The following TRPM6 variants were observed in gnomAD, a reference collection of about 807,000 sequenced individuals.
The protein encoded by TRPM6 is channel kinase 2.
In TRPM6, 111 loss-of-function variants were observed where a neutral mutation model predicts 247.6. That is an observed-to-expected ratio of 0.45 (90% CI 0.38 to 0.52). The LOEUF (loss-of-function observed/expected upper bound fraction) is 0.52, where lower values mean the gene tolerates loss of function less well. Among genes scored for constraint, TRPM6 ranks in the 20% least tolerant of loss-of-function variants. The probability of loss-of-function intolerance (pLI) is 0.00; values close to 1 mark genes in which losing one functional copy is unlikely to be tolerated. For synonymous variants in TRPM6, 892 were observed against 853.8 expected, an observed-to-expected ratio of 1.04 and a Z score of -0.78; for missense variants, 2,126 against 2,421.5, an observed-to-expected ratio of 0.88 and a Z score of 2.56.
At chr9:74,755,102 A>G (rs1826389234) in intron 28 of TRPM6, among the ~76,000 whole-genome samples, 1 of 152,242 alleles carries the variant, frequency 6.6e-6, no homozygotes, top group Admixed American at 6.5e-5. Flanking sequence ...AGTCAGGTTC[A>G]ACAGCTTTGA....
chr9:74,778,629 C>T (rs1053386976), intron 23 of TRPM6, among the ~76,000 whole-genome samples: 1 of 152,188 alleles, frequency 6.6e-6, no homozygotes, highest in African/African-American at 2.4e-5. Context: ...TCTGCAGGTA[C>T]CAGGAGCCCA....
chr9:74,830,845 C>T (rs1829522442), intron 6 of TRPM6, among the ~76,000 whole-genome samples: 1 of 146,958 alleles, frequency 6.8e-6, no homozygotes. Flanking sequence ...AATCCGCCGG[C>T]CTCGGCCTCG....
intron 1 of TRPM6, among the ~76,000 whole-genome samples, chr9:74,862,752 C>T (rs182139822): frequency 9.2e-5 from 14 of 152,214 alleles, no homozygotes; most frequent in Admixed American, 3.3e-4. Context: ...GAGGCCAAGG[C>T]GAGCAAGTCA....
intron 1 of TRPM6, among the ~76,000 whole-genome samples, chr9:74,868,025 A>G (rs948817277): frequency 1.3e-5 from 2 of 151,574 alleles, no homozygotes; most frequent in African/African-American, 2.4e-5. Context: ...ATGGTGGCAC[A>G]GGCCTGTAAT....
At chr9:74,801,817 T>C in intron 16 of TRPM6, 81 bp downstream of exon 16, 1 of 1,552,016 alleles carries the variant, frequency 6.4e-7, no homozygotes, top group Non-Finnish European at 8.8e-7. Context: ...GTCCTACAAG[T>C]TTAAAGATGA....
intron 6 of TRPM6, 77 bp from the exon 7 acceptor site, chr9:74,828,026 T>G (rs1829405395): frequency 1.4e-6 from 2 of 1,458,638 alleles, no homozygotes; most frequent in African/African-American, 1.4e-5. Flanking sequence ...AGGCCTATCT[T>G]TATGTGCTAA....
At position 74,842,434 on chromosome 9, in the gene TRPM6, T is replaced by C. The variant is rs1408483839; in HGVS notation, c.153-91A>G. 2.3e-6 allele frequency: 3 copies of C among 1,299,902 alleles called. No individual in the cohort carries two copies. The Admixed American group carries it at 5.5e-5, about 24-fold the overall frequency. 80.5% of individuals were successfully genotyped at this position (1,299,902 alleles called of 1,614,324 possible). ...TTTCTAAAGTAATGTATAGATGCCA[T>C]ATACTATTTCTTAAAACTTCACATT... On this transcript the variant is annotated intron_variant, in intron 3 of 38. Coordinates refer to ENST00000360774, the MANE Select transcript of TRPM6 (RefSeq NM_017662.5).
intron 14 of TRPM6, among the ~76,000 whole-genome samples, chr9:74,806,937 T>C (rs965753891): frequency 6.6e-6 from 1 of 152,192 alleles, no homozygotes; most frequent in African/African-American, 2.4e-5. Flanking sequence ...CTAAGGGAAC[T>C]TCCCTAGCAA....
chr9:74,829,090 C>T (rs918681702), intron 6 of TRPM6, among the ~76,000 whole-genome samples: 1 of 151,992 alleles, frequency 6.6e-6, no homozygotes, highest in African/African-American at 2.4e-5. Flanking sequence ...GTTAGGAGTT[C>T]GAGACCAGCC....
At chr9:74,776,658 G>T (rs943093689) in intron 23 of TRPM6, among the ~76,000 whole-genome samples, 1 of 152,164 alleles carries the variant, frequency 6.6e-6, no homozygotes, top group Non-Finnish European at 1.5e-5. Context: ...CTTTGTAGTT[G>T]TAACATGGAG....
intron 12 of TRPM6, 43 bp from the exon 13 acceptor site, chr9:74,810,911 C>T (rs1208254444): frequency 6.5e-7 from 1 of 1,538,768 alleles, no homozygotes; most frequent in South Asian, 1.1e-5. Flanking sequence ...CTTTAATTAC[C>T]ATGTGCTGGG....
intron 7 of TRPM6, among the ~76,000 whole-genome samples, chr9:74,825,668 G>A (rs1168870053): frequency 6.6e-6 from 1 of 152,062 alleles, no homozygotes; most frequent in African/African-American, 2.4e-5. Context: ...GCTCAGGGTT[G>A]TTGCATTCTT....
At chr9:74,773,819 G>T (rs1226194583) in intron 24 of TRPM6, among the ~76,000 whole-genome samples, 2 of 152,138 alleles carry the variant, frequency 1.3e-5, no homozygotes, top group African/African-American at 4.8e-5. Flanking sequence ...GCTGTAAAAT[G>T]TATTCACAAC....
At chr9:74,854,967 C>A (rs1248094036) in intron 3 of TRPM6, among the ~76,000 whole-genome samples, 1 of 152,208 alleles carries the variant, frequency 6.6e-6, no homozygotes, top group African/African-American at 2.4e-5. Flanking sequence ...GTGTGAGTGA[C>A]TGTGCCTAGT....
In TRPM6 at chr9:74,855,671, G is replaced by C. The variant is rs985703237; in HGVS notation, c.114-106C>G. 3 of 827,768 alleles carry C rather than the reference G, an allele frequency of 3.6e-6. No individual in the cohort carries two copies. In the Admixed American group the frequency reaches 5.4e-5, roughly 15 times the overall value. The allele number at this position is 827,768 out of a possible 1,614,324, so 51.3% of individuals were successfully genotyped here. Reference sequence around the variant, plus strand: ...TATTTTCCATGATCTAGAAATCAAGGTTTGCTGAAATTCATATATCATGTT... The same window carrying C: ...TATTTTCCATGATCTAGAAATCAAGCTTTGCTGAAATTCATATATCATGTT... On this transcript the variant is annotated intron_variant, in intron 2 of 38. Transcript: ENST00000360774.
chr9:74,775,572 T>C (rs1296443791), intron 24 of TRPM6, among the ~76,000 whole-genome samples: 1 of 152,204 alleles, frequency 6.6e-6, no homozygotes, highest in African/African-American at 2.4e-5. Context: ...CTAGGAGTTA[T>C]TCTGATGAGT....
chr9:74,755,399 C>A lies in TRPM6; in HGVS notation c.4860G>T (p.Glu1620Asp), dbSNP rs1826400441. 2 of 1,614,156 alleles carry A rather than the reference C, an allele frequency of 1.2e-6. No homozygotes were observed. Among genetic ancestry groups the A allele is most frequent in the South Asian group, 1.1e-5 (1 of 91,084 alleles). Residue 1620 changes from glutamate to aspartate, a missense_variant, in exon 28 of 39, where the codon GAG becomes GAT. Glu to Asp is a conservative substitution (Grantham distance 45). Coordinates refer to ENST00000360774, the MANE Select transcript of TRPM6 (RefSeq NM_017662.5). ...PEPGENSISE[E>D]EYSKNWFTVS... Reference sequence around the variant, plus strand: ...CTGTGAACCAGTTCTTGCTGTACTCCTCTTCAGAGATGCTGTTTTCTCCTG... The same window carrying A: ...CTGTGAACCAGTTCTTGCTGTACTCATCTTCAGAGATGCTGTTTTCTCCTG...
intron 1 of TRPM6, among the ~76,000 whole-genome samples, chr9:74,860,176 T>G (rs1830653158): frequency 6.6e-6 from 1 of 152,182 alleles, no homozygotes; most frequent in Non-Finnish European, 1.5e-5. Flanking sequence ...CAAGGAAAAC[T>G]TCCCAGATCA....
At chr9:74,855,801 A>G (rs1830505270) in intron 2 of TRPM6, among the ~76,000 whole-genome samples, 1 of 152,162 alleles carries the variant, frequency 6.6e-6, no homozygotes, top group Non-Finnish European at 1.5e-5. Context: ...TTTAAATCTC[A>G]TTGATTTAAC....
Sources: allele counts gnomAD v4.1 joint callset (sites outside exome capture counted in the v4.1 genomes callset), GRCh38; gene constraint gnomAD v4.1.1; transcripts MANE v1.5; gene names NCBI Gene and HGNC (gene_info 2026-07-23, HGNC 2026-07-21).